Variants in NLGN1 observed in about 807,000 individuals in gnomAD.
The protein encoded by NLGN1 is neuroligin 1, also known as neuroligin-1.
NLGN1 carries 12 observed loss-of-function variants against 65.5 expected under a neutral mutation model. The observed-to-expected ratio is 0.18, with a 90% CI of 0.12 to 0.30. The LOEUF is 0.30. Ranked by LOEUF, NLGN1 falls within the 10% of genes least tolerant of loss-of-function variation. NLGN1 has a pLI of 1.00. For synonymous variants in NLGN1, 350 were observed against 359.5 expected (o/e 0.97, Z 0.30); for missense variants, 750 against 1,007.1 (o/e 0.74, Z 3.46).
chr3:173,860,649 G>A (rs1728867594), intron 4 of NLGN1, among the ~76,000 whole-genome samples: 1 of 152,158 alleles, frequency 6.6e-6, no homozygotes, highest in African/African-American at 2.4e-5. Context: ...ATCAGGTTGA[G>A]TCATTAGGGA....
intron 4 of NLGN1, among the ~76,000 whole-genome samples, chr3:174,187,116 ATTG>A (rs1378937406): frequency 6.6e-6 from 1 of 151,790 alleles, no homozygotes; most frequent in African/African-American, 2.4e-5. Context: ...TATTATTTTT[ATTG>A]TTGTATTATT....
intron 3 of NLGN1, among the ~76,000 whole-genome samples, chr3:173,798,789 C>T (rs891613353): frequency 6.6e-6 from 1 of 152,038 alleles, no homozygotes; most frequent in African/African-American, 2.4e-5. Flanking sequence ...ACTTCAATTA[C>T]TTCATCCATT....
rs199818846 is a variant in NLGN1 at position 174,280,481 on chromosome 3, T to C, written c.1650T>C (p.Gly550=). The C allele has an allele frequency of 6.3e-7, 1 of 1,582,358 alleles. No individual in the cohort carries two copies. The highest frequency in any genetic ancestry group is 8.6e-7 in the Non-Finnish European group (1 of 1,166,368). The change falls in exon 7 of 7, where the codon GGT becomes GGC. Residue 550 remains glycine (G), a splice_region_variant and synonymous_variant. Coordinates refer to ENST00000457714, the Ensembl canonical transcript of NLGN1. The surrounding 1 kb of genome is among the most constrained non-coding windows in gnomAD (Gnocchi z 4.9). ...TCATAATTTATCTTTTCCTTCTTAG[T>C]GACCCAAATCAACCAGTCCCTCAAG...
chr3:173,971,200 G>A (rs1275526035), intron 4 of NLGN1, among the ~76,000 whole-genome samples: 1 of 152,034 alleles, frequency 6.6e-6, no homozygotes, highest in Non-Finnish European at 1.5e-5. Flanking sequence ...AGAGAAAATG[G>A]TGTTACAAAA....
At chr3:173,526,753 C>G (rs1442781005) in intron 2 of NLGN1, among the ~76,000 whole-genome samples, 1 of 152,162 alleles carries the variant, frequency 6.6e-6, no homozygotes, top group Non-Finnish European at 1.5e-5. Flanking sequence ...CCCCACTACC[C>G]TTTCCAGCCT....
intron 4 of NLGN1, among the ~76,000 whole-genome samples, chr3:174,225,725 C>T (rs138818813): frequency 0.011 from 1,690 of 148,054 alleles, 50 homozygotes; most frequent in African/African-American, 0.04. Flanking sequence ...AGCGAGACTC[C>T]GTCTCAAAAA....
At chr3:174,160,117 CAT>C (rs549722175) in intron 4 of NLGN1, among the ~76,000 whole-genome samples, 111 of 151,914 alleles carry the variant, frequency 7.3e-4, no homozygotes, top group Non-Finnish European at 1.4e-3. Flanking sequence ...CACACACACA[CAT>C]GCTCTATAAA....
chr3:173,807,535 G>T (rs1405076762), intron 3 of NLGN1, 145 bp from the exon 4 acceptor site: 5 of 829,292 alleles, frequency 6.0e-6, no homozygotes, highest in Non-Finnish European at 9.2e-6. Flanking sequence ...CATATGAGTT[G>T]CTTAAGAAAC....
At chr3:173,498,387 T>C (rs1043736015) in intron 2 of NLGN1, among the ~76,000 whole-genome samples, 3 of 151,792 alleles carry the variant, frequency 2.0e-5, no homozygotes, top group African/African-American at 7.3e-5. Context: ...CATGAACTCA[T>C]CATTTTTATG....
intron 3 of NLGN1, among the ~76,000 whole-genome samples, chr3:173,703,751 A>C (rs1359132679): frequency 2.0e-5 from 3 of 152,246 alleles, no homozygotes; most frequent in Non-Finnish European, 4.4e-5. Flanking sequence ...AAGGTCTTTC[A>C]ACATAATTAG....
At chr3:174,127,464 C>G (rs1337204978) in intron 4 of NLGN1, among the ~76,000 whole-genome samples, 3 of 152,060 alleles carry the variant, frequency 2.0e-5, no homozygotes, top group Non-Finnish European at 4.4e-5. Context: ...ACAATAGCCC[C>G]TGCATTTTTT....
intron 1 of NLGN1, chr3:173,399,667 C>T (rs1284905462): frequency 6.6e-6 from 1 of 152,160 alleles, no homozygotes; most frequent in African/African-American, 2.4e-5. Flanking sequence ...CTCTGAAATT[C>T]TTATATTTTA....
chr3:173,984,319 A>G (rs1469083257), intron 4 of NLGN1, among the ~76,000 whole-genome samples: 1 of 152,182 alleles, frequency 6.6e-6, no homozygotes. Context: ...CTTTACTTCT[A>G]GGGGCCTACA....
At chr3:173,830,515 C>T (rs902151138) in intron 4 of NLGN1, among the ~76,000 whole-genome samples, 4 of 152,096 alleles carry the variant, frequency 2.6e-5, no homozygotes, top group African/African-American at 9.7e-5. Flanking sequence ...AATAGATTGG[C>T]ATTATCCATC....
At chr3:173,855,721 T>G (rs769758904) in intron 4 of NLGN1, among the ~76,000 whole-genome samples, 6 of 152,208 alleles carry the variant, frequency 3.9e-5, no homozygotes, top group Non-Finnish European at 5.9e-5. Context: ...CAAATAGTTC[T>G]GTAACTAATT....
intron 4 of NLGN1, among the ~76,000 whole-genome samples, chr3:173,858,253 G>C (rs894176880): frequency 1.3e-5 from 2 of 151,968 alleles, no homozygotes; most frequent in African/African-American, 4.8e-5. Flanking sequence ...GATTTTAAAA[G>C]ATACATGAGT....
chr3:173,771,259 A>G (rs1779535191), intron 3 of NLGN1, among the ~76,000 whole-genome samples: 1 of 152,200 alleles, frequency 6.6e-6, no homozygotes, highest in Non-Finnish European at 1.5e-5. Context: ...GGTTAGCACA[A>G]TTTTTGTGCA....
intron 4 of NLGN1, among the ~76,000 whole-genome samples, chr3:173,847,649 A>C (rs1197281541): frequency 6.6e-6 from 1 of 152,184 alleles, no homozygotes; most frequent in African/African-American, 2.4e-5. Context: ...AGGCAGGCAG[A>C]TCACCTGAGG....
intron 4 of NLGN1, among the ~76,000 whole-genome samples, chr3:173,970,339 C>T (rs1269247716): frequency 6.6e-6 from 1 of 152,070 alleles, no homozygotes. Context: ...AGGACAATCG[C>T]CTCATTGGCC....
Sources: gnomAD v4.1 joint callset for allele counts (sites outside exome capture counted in the v4.1 genomes callset) on GRCh38, gnomAD v4.1.1 for gene constraint, Gnocchi (gnomAD v3.1) non-coding constraint, MANE v1.5 for transcripts, NCBI Gene and HGNC (gene_info 2026-07-23, HGNC 2026-07-21) for gene names.